Variants in CAMK1D observed in about 807,000 individuals in gnomAD.
CAMK1D encodes calcium/calmodulin dependent protein kinase ID, also known as calcium/calmodulin-dependent protein kinase type 1D.
In CAMK1D, 9 loss-of-function variants were observed where a neutral mutation model predicts 47.7. The observed-to-expected ratio is 0.19, with a 90% CI of 0.11 to 0.33. The LOEUF is 0.33. Among genes scored for constraint, CAMK1D ranks in the 10% least tolerant of loss-of-function variants. CAMK1D has a pLI of 1.00. For missense variants in CAMK1D, 291 were observed against 488.7 expected (o/e 0.60, Z 3.81); for synonymous variants, 184 against 184.9 (o/e 0.99, Z 0.04).
At chr10:12,606,555 A>G (rs1010904840) in intron 2 of CAMK1D, among the ~76,000 whole-genome samples, 1 of 152,146 alleles carries the variant, frequency 6.6e-6, no homozygotes, top group African/African-American at 2.4e-5. Flanking sequence ...TGGGAAGGAC[A>G]TTTGAAACAT....
intron 7 of CAMK1D, among the ~76,000 whole-genome samples, chr10:12,814,878 G>C (rs990521287): frequency 3.3e-5 from 5 of 152,142 alleles, no homozygotes; most frequent in Non-Finnish European, 5.9e-5. Context: ...CATCTGGCTC[G>C]AGCCACGCTG....
At chr10:12,460,375 C>T (rs1201800096) in intron 1 of CAMK1D, among the ~76,000 whole-genome samples, 1 of 152,034 alleles carries the variant, frequency 6.6e-6, no homozygotes, top group Non-Finnish European at 1.5e-5. Flanking sequence ...ATCCTCCTGC[C>T]TCAGTCTCCC....
intron 2 of CAMK1D, among the ~76,000 whole-genome samples, chr10:12,571,123 G>C (rs1473388191): frequency 6.6e-6 from 1 of 152,088 alleles, no homozygotes; most frequent in Non-Finnish European, 1.5e-5. Flanking sequence ...CCTTAGACCA[G>C]CACAGCAGTA....
intron 2 of CAMK1D, among the ~76,000 whole-genome samples, chr10:12,618,665 G>A (rs559139076): frequency 4.6e-5 from 7 of 152,062 alleles, no homozygotes; most frequent in African/African-American, 1.7e-4. Context: ...AGTATTAATT[G>A]AGTACTTTCT....
At chr10:12,771,282 C>T (rs1339169433) in intron 5 of CAMK1D, among the ~76,000 whole-genome samples, 1 of 152,156 alleles carries the variant, frequency 6.6e-6, no homozygotes, top group Non-Finnish European at 1.5e-5. Flanking sequence ...ATGAGAATAG[C>T]CATTGAGCCC....
chr10:12,774,833 T>A (rs995314992), intron 5 of CAMK1D, among the ~76,000 whole-genome samples: 3 of 152,262 alleles, frequency 2.0e-5, no homozygotes, highest in African/African-American at 7.2e-5. Context: ...ACTCTAATAA[T>A]GCTTGATGAT....
At chr10:12,824,395 CCCCTTTA>C in intron 8 of CAMK1D, 63 bp from the exon 9 acceptor site, 1 of 1,357,566 alleles carries the variant, frequency 7.4e-7, no homozygotes, top group South Asian at 1.2e-5. Context: ...AGGTAAGACT[CCCCTTTA>C]TGGGACGCAG....
chr10:12,463,655 G>A (rs574009598), intron 1 of CAMK1D, among the ~76,000 whole-genome samples: 1 of 151,468 alleles, frequency 6.6e-6, no homozygotes, highest in African/African-American at 2.4e-5. Flanking sequence ...CGATGTTCTC[G>A]GTGCTTTTTT....
chr10:12,465,018 T>G (rs1322167693), intron 1 of CAMK1D, among the ~76,000 whole-genome samples: 1 of 152,160 alleles, frequency 6.6e-6, no homozygotes, highest in Non-Finnish European at 1.5e-5. Flanking sequence ...GCCTTTACAG[T>G]GGTCATGTTG....
chr10:12,451,809 C>T (rs748179766), intron 1 of CAMK1D, among the ~76,000 whole-genome samples: 5 of 151,542 alleles, frequency 3.3e-5, no homozygotes, highest in African/African-American at 7.3e-5. Flanking sequence ...GGGTCAGAGA[C>T]GAAGTGGGAC....
intron 1 of CAMK1D, among the ~76,000 whole-genome samples, chr10:12,545,861 G>A (rs896108473): frequency 5.9e-5 from 9 of 151,856 alleles, no homozygotes; most frequent in Admixed American, 3.9e-4. Flanking sequence ...AATGAATGAC[G>A]TTCAGGGAAG....
intron 1 of CAMK1D, among the ~76,000 whole-genome samples, chr10:12,446,386 A>G (rs1430507488): frequency 2.0e-5 from 3 of 152,152 alleles, no homozygotes; most frequent in Non-Finnish European, 2.9e-5. Context: ...GTAAACTGTC[A>G]TGGTGCTGAC....
chr10:12,724,499 C>T (rs944553906), intron 3 of CAMK1D, among the ~76,000 whole-genome samples: 1 of 152,164 alleles, frequency 6.6e-6, no homozygotes, highest in Non-Finnish European at 1.5e-5. Flanking sequence ...TTACTACACC[C>T]ATCACTCTGC....
intron 2 of CAMK1D, among the ~76,000 whole-genome samples, chr10:12,619,989 G>A (rs1838940741): frequency 6.6e-6 from 1 of 151,928 alleles, no homozygotes; most frequent in Admixed American, 6.6e-5. Context: ...ACTTTCACTG[G>A]AGATTTATCG....
At chr10:12,367,288 C>G (rs1310361762) in intron 1 of CAMK1D, among the ~76,000 whole-genome samples, 3 of 152,122 alleles carry the variant, frequency 2.0e-5, no homozygotes, top group Admixed American at 6.6e-5. Context: ...AAGCCAACCC[C>G]TCTTCAGAAC....
intron 2 of CAMK1D, among the ~76,000 whole-genome samples, chr10:12,558,304 A>G (rs887526441): frequency 6.6e-6 from 1 of 152,240 alleles, no homozygotes; most frequent in Non-Finnish European, 1.5e-5. Context: ...CCTGTAAGCC[A>G]GCACTTTGGG....
intron 1 of CAMK1D, among the ~76,000 whole-genome samples, chr10:12,496,613 C>G (rs1387377224): frequency 6.6e-6 from 1 of 152,120 alleles, no homozygotes; most frequent in Non-Finnish European, 1.5e-5. Context: ...ACCTTATGCC[C>G]TAGAAGAGGG....
At chr10:12,827,642 TC>T (rs1833303512) in intron 10 of CAMK1D, among the ~76,000 whole-genome samples, 2 of 61,126 alleles carry the variant, frequency 3.3e-5, no homozygotes, top group Admixed American at 2.0e-4. Flanking sequence ...CTCTCCCCTC[TC>T]CCCTCTCCTC....
chr10:12,555,113 A>G (rs1571207), intron 2 of CAMK1D, among the ~76,000 whole-genome samples: 65,937 of 152,118 alleles, frequency 0.43, 14,340 homozygotes, highest in Middle Eastern at 0.57. Flanking sequence ...CATAGCAAGA[A>G]TCTCTGTACA....
Sources: gnomAD v4.1 joint callset for allele counts (sites outside exome capture counted in the v4.1 genomes callset) on GRCh38, gnomAD v4.1.1 for gene constraint, MANE v1.5 for transcripts, NCBI Gene and HGNC (gene_info 2026-07-23, HGNC 2026-07-21) for gene names.